The following ANKRD17 variants were observed in gnomAD, a reference collection of about 807,000 sequenced individuals.
The protein encoded by ANKRD17 is ankyrin repeat domain 17.
In ANKRD17, 19 loss-of-function variants were observed where a neutral mutation model predicts 229.7. That is an observed-to-expected ratio of 0.08 (90% CI 0.06 to 0.12). ANKRD17 has a LOEUF of 0.12. Ranked by LOEUF, ANKRD17 falls within the 10% of genes least tolerant of loss-of-function variation. The pLI, the probability that ANKRD17 is intolerant of heterozygous loss-of-function variation, is 1.00. For missense variants in ANKRD17, 2,176 were observed against 3,176.8 expected (o/e 0.68, Z 7.57); for synonymous variants, 1,112 against 1,146.1 (o/e 0.97, Z 0.60).
At chr4:73,101,926 ATC>A (rs1724054424) in intron 25 of ANKRD17, among the ~76,000 whole-genome samples, 1 of 151,894 alleles carries the variant, frequency 6.6e-6, no homozygotes, top group Non-Finnish European at 1.5e-5. Context: ...AAAAGCATAT[ATC>A]TTTTCTTTTC....
At chr4:73,199,676 G>A (rs1738387140) in intron 1 of ANKRD17, among the ~76,000 whole-genome samples, 3 of 152,138 alleles carry the variant, frequency 2.0e-5, no homozygotes, top group Non-Finnish European at 4.4e-5. Flanking sequence ...TAGTACTAAT[G>A]ACTATATAAA....
At chr4:73,135,561 TA>T (rs1158633880) in intron 15 of ANKRD17, among the ~76,000 whole-genome samples, 1 of 152,150 alleles carries the variant, frequency 6.6e-6, no homozygotes. Flanking sequence ...GTTTATGTAT[TA>T]AATATAAATG....
intron 22 of ANKRD17, among the ~76,000 whole-genome samples, chr4:73,116,978 TA>T (rs1413889761): frequency 6.6e-6 from 1 of 152,020 alleles, no homozygotes; most frequent in African/African-American, 2.4e-5. Flanking sequence ...CTGAAGTCAA[TA>T]AGTCTATCTG....
chr4:73,145,247 T>G (rs1467580118), intron 10 of ANKRD17, among the ~76,000 whole-genome samples: 2 of 152,176 alleles, frequency 1.3e-5, no homozygotes, highest in African/African-American at 4.8e-5. Context: ...TCCAAGTTAT[T>G]TTCCTCTTAT....
At chr4:73,255,356 C>T (rs947056433) in intron 1 of ANKRD17, among the ~76,000 whole-genome samples, 2 of 152,154 alleles carry the variant, frequency 1.3e-5, no homozygotes, top group African/African-American at 4.8e-5. Flanking sequence ...TTAAAGTTAT[C>T]CTTTCAGGTT....
chr4:73,210,454 T>C (rs1259920514), intron 1 of ANKRD17, among the ~76,000 whole-genome samples: 1 of 152,182 alleles, frequency 6.6e-6, no homozygotes, highest in African/African-American at 2.4e-5. Context: ...AATGAGTGTG[T>C]GTGTATATGT....
At chr4:73,173,600 C>T (rs951004584) in intron 2 of ANKRD17, among the ~76,000 whole-genome samples, 5 of 152,180 alleles carry the variant, frequency 3.3e-5, no homozygotes, top group African/African-American at 1.2e-4. Context: ...CACATCGCTG[C>T]AAATTCTGCA....
intron 1 of ANKRD17, chr4:73,222,941 C>T: frequency 6.8e-7 from 1 of 1,469,688 alleles, no homozygotes; most frequent in South Asian, 1.2e-5. Context: ...GTTCAGATTT[C>T]AACTTTCATT....
chr4:73,138,528 C>G (rs565984412), intron 15 of ANKRD17, among the ~76,000 whole-genome samples: 1 of 152,042 alleles, frequency 6.6e-6, no homozygotes, highest in Admixed American at 6.5e-5. Context: ...AAAATAAGCT[C>G]ATCATATTTA....
At chr4:73,166,809 T>A (rs967084413) in intron 2 of ANKRD17, among the ~76,000 whole-genome samples, 3 of 152,086 alleles carry the variant, frequency 2.0e-5, no homozygotes, top group African/African-American at 4.8e-5. Flanking sequence ...CAATTTTTTT[T>A]AATTTTTAAT....
chr4:73,125,493 G>C (rs542679557), intron 16 of ANKRD17, among the ~76,000 whole-genome samples, 181 bp from the exon 17 acceptor site: 1 of 152,232 alleles, frequency 6.6e-6, no homozygotes, highest in African/African-American at 2.4e-5. Context: ...CCAGCACTTT[G>C]AGAGGCCGAG....
At chr4:73,192,427 T>A (rs967504379) in intron 1 of ANKRD17, among the ~76,000 whole-genome samples, 1 of 152,042 alleles carries the variant, frequency 6.6e-6, no homozygotes, top group Non-Finnish European at 1.5e-5. Context: ...CATATACACA[T>A]GTGCAAGAAT....
At chr4:73,219,189 T>C (rs1422954289) in intron 1 of ANKRD17, among the ~76,000 whole-genome samples, 1 of 152,226 alleles carries the variant, frequency 6.6e-6, no homozygotes, top group East Asian at 1.9e-4. Flanking sequence ...TTTCAGTCAC[T>C]AGACCAATTT....
At chr4:73,226,166 G>A (rs1285285894) in intron 1 of ANKRD17, among the ~76,000 whole-genome samples, 3 of 150,964 alleles carry the variant, frequency 2.0e-5, no homozygotes, top group African/African-American at 7.3e-5. Context: ...TAGTAGAAAC[G>A]GGGTTTCACC....
chr4:73,076,079 A>C lies in ANKRD17; in HGVS notation c.*152T>G. On this transcript the variant is annotated 3_prime_UTR_variant, in exon 34 of 34. Coordinates refer to ENST00000358602, the MANE Select transcript of ANKRD17 (RefSeq NM_032217.5). ...ATGGGCAGTCACAAATGTTCACAGA[A>C]AATAGGTCAGTTAGTAAGATCTTCT... 1 of 499,372 alleles carries C rather than the reference A, an allele frequency of 2.0e-6. No homozygotes were observed. Among genetic ancestry groups the C allele is most frequent in the Non-Finnish European group, 3.5e-6 (1 of 286,988 alleles). The allele number at this position is 499,372 out of a possible 1,614,324, so 30.9% of individuals were successfully genotyped here.
intron 1 of ANKRD17, among the ~76,000 whole-genome samples, chr4:73,213,634 A>G (rs576450483): frequency 6.6e-6 from 1 of 152,334 alleles, no homozygotes; most frequent in South Asian, 2.1e-4. Context: ...CAGTGAAAAC[A>G]TTATTTGTTC....
chr4:73,125,447 GT>G, intron 16 of ANKRD17, 135 bp from the exon 17 acceptor site: 1 of 705,008 alleles, frequency 1.4e-6, no homozygotes, highest in Non-Finnish European at 2.3e-6. Flanking sequence ...GAAAAGCAAG[GT>G]TTATGGACGG....
At chr4:73,201,392 A>C (rs1738655372) in intron 1 of ANKRD17, among the ~76,000 whole-genome samples, 1 of 152,100 alleles carries the variant, frequency 6.6e-6, no homozygotes, top group South Asian at 2.1e-4. Context: ...TTATATTCCC[A>C]AGCTAGAATA....
chr4:73,142,839 T>C (rs1729779940), intron 11 of ANKRD17, 72 bp from the exon 12 acceptor site: 1 of 1,491,888 alleles, frequency 6.7e-7, no homozygotes, highest in African/African-American at 1.4e-5. Context: ...AATTTAAAAA[T>C]CATGAAGAGT....
Sources: gnomAD v4.1 joint callset for allele counts (sites outside exome capture counted in the v4.1 genomes callset) on GRCh38, gnomAD v4.1.1 for gene constraint, MANE v1.5 for transcripts, NCBI Gene and HGNC (gene_info 2026-07-23, HGNC 2026-07-21) for gene names.